Variants in CCDC102B observed in about 807,000 individuals in gnomAD.
CCDC102B encodes coiled-coil domain containing 102B.
In CCDC102B, 75 loss-of-function variants were observed where a neutral mutation model predicts 57.4. The observed-to-expected ratio is 1.31, with a 90% CI of 1.08 to 1.58. The LOEUF (loss-of-function observed/expected upper bound fraction) is 1.58. Ranked by LOEUF, CCDC102B falls within the 40% of genes most tolerant of loss-of-function variation. The pLI is 0.00. For synonymous variants in CCDC102B, 206 were observed against 201.9 expected, an observed-to-expected ratio of 1.02 and a Z score of -0.17; for missense variants, 636 against 582.6, an observed-to-expected ratio of 1.09 and a Z score of -0.94.
At chr18:68,976,876 A>T (rs983657796) in intron 6 of CCDC102B, among the ~76,000 whole-genome samples, 1 of 151,976 alleles carries the variant, frequency 6.6e-6, no homozygotes, top group Non-Finnish European at 1.5e-5. Context: ...AGAGGATTTC[A>T]TTATGATCCA....
intron 2 of CCDC102B, among the ~76,000 whole-genome samples, chr18:68,722,543 A>G (rs1464470783): frequency 6.6e-6 from 1 of 152,232 alleles, no homozygotes; most frequent in East Asian, 1.9e-4. Context: ...ACCAGACTTC[A>G]AGATAATATT....
At chr18:68,898,432 A>C (rs555958912) in intron 6 of CCDC102B, among the ~76,000 whole-genome samples, 1 of 152,204 alleles carries the variant, frequency 6.6e-6, no homozygotes, top group Admixed American at 6.5e-5. Context: ...CTAAAGTTAA[A>C]TGTTATAGTC....
In CCDC102B at chr18:68,801,939, T is replaced by C. The variant is rs543554088; in HGVS notation, c.-16+3758T>C. On this transcript the variant is annotated intron_variant, in intron 1 of 7. Coordinates refer to ENST00000360242, the MANE Select transcript of CCDC102B (RefSeq NM_024781.3). The stretch of plus-strand genomic sequence containing the variant: ...TTAGTCAGCCTATATTCATGAATTT[T>C]CTATCTTCTTTTGACATGAAGGGTT... Among the ~76,000 whole-genome samples the C allele has an allele frequency of 7.9e-5, 12 of 152,274 alleles. No homozygotes were observed. In the South Asian group the frequency reaches 2.5e-3, roughly 32 times the overall value.
intron 1 of CCDC102B, among the ~76,000 whole-genome samples, chr18:68,821,242 C>A (rs1343566320): frequency 2.0e-5 from 3 of 151,994 alleles, no homozygotes; most frequent in Non-Finnish European, 4.4e-5. Context: ...CCCTTAATAG[C>A]AATGCCTAAA....
intron 7 of CCDC102B, among the ~76,000 whole-genome samples, chr18:69,040,252 A>G (rs1019872456): frequency 1.3e-5 from 2 of 152,026 alleles, no homozygotes; most frequent in African/African-American, 4.8e-5. Flanking sequence ...TCGCTACTAA[A>G]CCAATATTTT....
chr18:69,036,697 T>C (rs2052301610), intron 7 of CCDC102B, among the ~76,000 whole-genome samples: 2 of 152,030 alleles, frequency 1.3e-5, no homozygotes, highest in South Asian at 4.1e-4. Context: ...GGGATTTGCA[T>C]TGTGAAATGC....
intron 2 of CCDC102B, among the ~76,000 whole-genome samples, chr18:68,761,174 G>A (rs1430298348): frequency 6.6e-6 from 1 of 151,944 alleles, no homozygotes; most frequent in Non-Finnish European, 1.5e-5. Flanking sequence ...AAATGTCTAA[G>A]GCTACAATTT....
chr18:69,042,593 A>G (rs1432539808), intron 7 of CCDC102B, among the ~76,000 whole-genome samples: 2 of 152,080 alleles, frequency 1.3e-5, no homozygotes, highest in African/African-American at 4.8e-5. Context: ...CCTGTACCTC[A>G]GTACCCTGAA....
chr18:68,880,078 G>C (rs527565862), intron 5 of CCDC102B, among the ~76,000 whole-genome samples: 1 of 152,158 alleles, frequency 6.6e-6, no homozygotes, highest in Non-Finnish European at 1.5e-5. Context: ...TGGGCCCCAC[G>C]GGAGCCCATG....
At chr18:68,834,408 T>C (rs2037273247) in intron 1 of CCDC102B, among the ~76,000 whole-genome samples, 2 of 140,284 alleles carry the variant, frequency 1.4e-5, no homozygotes, top group Non-Finnish European at 3.0e-5. Context: ...AGTAAATATA[T>C]ATATGTAGTT....
chr18:68,759,659 G>C (rs1207136734), intron 2 of CCDC102B, among the ~76,000 whole-genome samples: 4 of 152,094 alleles, frequency 2.6e-5, no homozygotes, highest in African/African-American at 9.7e-5. Context: ...TTTTAGATCT[G>C]TAAAGTATTC....
chr18:68,845,450 T>C (rs1391170828), intron 3 of CCDC102B, among the ~76,000 whole-genome samples: 3 of 151,800 alleles, frequency 2.0e-5, no homozygotes, highest in Admixed American at 2.0e-4. Flanking sequence ...TGTTTTCAAA[T>C]TTTTGTTTCT....
rs572020 is a variant in CCDC102B, at chr18:68,837,222, A to T, written c.459A>T (p.Lys153Asn). 1,592,125 of 1,614,066 alleles carry T rather than the reference A, an allele frequency of 0.99. 787,634 individuals carry two copies. The highest frequency in any genetic ancestry group is 1 in the East Asian group (44,862 of 44,864). Residue 153 changes from lysine to asparagine, a missense_variant, in exon 2 of 8, where the codon AAA (lysine) becomes AAT (asparagine). Lys to Asn is a moderately conservative substitution (Grantham distance 94, BLOSUM62 0). Coordinates refer to ENST00000360242, the MANE Select transcript of CCDC102B (RefSeq NM_024781.3). ...CTCAGAAGGAGGCATTAGAAGCTAA[A>T]GTTACCCAGGATCTGAAGCTTCCTG... ...LPPQKEALEAKVTQDLKLPGF... is the reference protein window; with the variant it reads ...LPPQKEALEANVTQDLKLPGF...
At chr18:69,012,566 A>G (rs1242078471) in intron 7 of CCDC102B, among the ~76,000 whole-genome samples, 1 of 152,094 alleles carries the variant, frequency 6.6e-6, no homozygotes, top group Non-Finnish European at 1.5e-5. Context: ...CCTTATGTGA[A>G]GGAGCTGTGC....
chr18:68,975,850 TAA>T (rs750348084), intron 6 of CCDC102B, among the ~76,000 whole-genome samples: 18 of 140,064 alleles, frequency 1.3e-4, no homozygotes, highest in Middle Eastern at 3.5e-3. Flanking sequence ...CACTTTCATT[TAA>T]AAAAAAAAAA....
chr18:69,009,378 C>T (rs956632643), intron 6 of CCDC102B, among the ~76,000 whole-genome samples: 1 of 152,150 alleles, frequency 6.6e-6, no homozygotes, highest in African/African-American at 2.4e-5. Context: ...ATGTACCTTA[C>T]CCTCCTCATA....
At position 68,735,685 on chromosome 18, in the gene CCDC102B, C is replaced by G. The variant is rs181023368; in HGVS notation, c.-67+19091C>G. 1.5e-3 allele frequency among the ~76,000 whole-genome samples: 229 copies of G among 152,300 alleles called. 1 individual carries two copies. Among genetic ancestry groups the G allele is most frequent in the African/African-American group, 5.3e-3 (222 of 41,576 alleles). ...CCGTGACTCTGCTGAACTGCTTGCA[C>G]TTCTTACCAGGTGTCCTCATCACAC... On this transcript the variant is annotated intron_variant, in intron 2 of 3. Transcript: ENST00000578970.
At chr18:68,819,252 G>A (rs2036604843) in intron 1 of CCDC102B, among the ~76,000 whole-genome samples, 1 of 152,038 alleles carries the variant, frequency 6.6e-6, no homozygotes, top group African/African-American at 2.4e-5. Flanking sequence ...CTTTTAGTGA[G>A]CATTCTATTG....
intron 6 of CCDC102B, among the ~76,000 whole-genome samples, chr18:68,986,873 A>T (rs78726125): frequency 0.026 from 3,902 of 152,250 alleles, 111 homozygotes; most frequent in East Asian, 0.12. Flanking sequence ...GAAGGAAGGG[A>T]AAGATCTCTA....
Sources: allele counts gnomAD v4.1 joint callset (sites outside exome capture counted in the v4.1 genomes callset), GRCh38; gene constraint gnomAD v4.1.1; transcripts MANE v1.5; gene names NCBI Gene and HGNC (gene_info 2026-07-23, HGNC 2026-07-21).